Variants in GREB1L observed in about 807,000 individuals in gnomAD.
GREB1L encodes GREB1-like protein.
GREB1L carries 17 observed loss-of-function variants against 200.8 expected under a neutral mutation model. The observed-to-expected ratio is 0.08, with a 90% CI of 0.06 to 0.13. The LOEUF is 0.13. GREB1L is among the 10% of genes least tolerant of loss of function. The probability of loss-of-function intolerance (pLI) is 1.00; values close to 1 mark genes in which losing one functional copy is unlikely to be tolerated. For missense variants in GREB1L, 1,657 were observed against 2,367.7 expected (o/e 0.70, Z 6.23); for synonymous variants, 789 against 893.0 (o/e 0.88, Z 2.08).
chr18:21,466,953 C>A (rs1296701481), intron 15 of GREB1L, among the ~76,000 whole-genome samples: 3 of 152,052 alleles, frequency 2.0e-5, no homozygotes, highest in Non-Finnish European at 2.9e-5. Context: ...AATAAACCTC[C>A]CATTTACAAT....
At chr18:21,366,906 A>C (rs564418311) in intron 2 of GREB1L, among the ~76,000 whole-genome samples, 1 of 152,308 alleles carries the variant, frequency 6.6e-6, no homozygotes, top group Admixed American at 6.5e-5. Flanking sequence ...CAGATACTGA[A>C]ACCCAGGATG....
At position 21,393,037 on chromosome 18, in the gene GREB1L, G is replaced by T. The variant is rs907354951; in HGVS notation, c.356-2348G>T. 1.1e-4 allele frequency among the ~76,000 whole-genome samples: 17 copies of T among 152,292 alleles called. No individual in the cohort carries two copies. In the South Asian group the frequency reaches 1.5e-3, roughly 13 times the overall value. ...ATCTGCCTCTTTGGCCTCCCAAAGTGCTGGGATTACAGGCGTGAGCCACTG... is the reference window on the plus strand; with the variant it reads ...ATCTGCCTCTTTGGCCTCCCAAAGTTCTGGGATTACAGGCGTGAGCCACTG... On this transcript the variant is annotated intron_variant, in intron 4 of 32. Transcript: ENST00000424526.
Position 21,490,012 on chromosome 18 carries a change from G to A in GREB1L, c.2691G>A (p.Arg897=), listed in dbSNP as rs1332111178. Residue 897 remains arginine (R), a splice_region_variant and synonymous_variant, in exon 19 of 33, where the codon AGG becomes AGA. Coordinates refer to ENST00000424526, the MANE Select transcript of GREB1L (RefSeq NM_001142966.3). ...GCTAGTGCCTTGTTTTCTGTTGAAG[G>A]TACCCCAGGCTGCACAGCATGGTCG... is the stretch of plus-strand genomic sequence containing the variant. The part of the protein sequence containing the change: ...FEKMVNTLLE[R]YPRLHSMVVR... The A allele has an allele frequency of 6.5e-7, 1 of 1,549,594 alleles. No homozygotes were observed. The highest frequency in any genetic ancestry group is 2.0e-5 in the Admixed American group (1 of 50,910).
intron 19 of GREB1L, among the ~76,000 whole-genome samples, chr18:21,490,618 T>G (rs1405061587): frequency 6.6e-6 from 1 of 152,146 alleles, no homozygotes; most frequent in Non-Finnish European, 1.5e-5. Context: ...GATGACCCAA[T>G]TTGACCCCAT....
chr18:21,493,638 G>A (rs1455124277), intron 19 of GREB1L, among the ~76,000 whole-genome samples: 3 of 152,106 alleles, frequency 2.0e-5, no homozygotes, highest in East Asian at 3.9e-4. Context: ...AGACTGAGGC[G>A]GGCAGTCGCT....
chr18:21,262,514 A>G (rs915818665), intron 1 of GREB1L, among the ~76,000 whole-genome samples: 2 of 152,158 alleles, frequency 1.3e-5, no homozygotes, highest in Non-Finnish European at 2.9e-5. Flanking sequence ...CTGCTTTCCC[A>G]AACAGTTGTT....
Position 21,525,622 on chromosome 18 carries a change from G to GAAAC in GREB1L, c.*2803_*2806dup, listed in dbSNP as rs1044554243. On this transcript the variant is annotated 3_prime_UTR_variant, in exon 33 of 33. Coordinates refer to ENST00000424526, the MANE Select transcript of GREB1L (RefSeq NM_001142966.3). ...CTACACTCACTTTGATGTCCTTCTG[G>GAAAC]AAACAGAACAACTTTGGGTTGCTAA... Among the ~76,000 whole-genome samples, 5 of 152,180 alleles carry GAAAC rather than the reference G, an allele frequency of 3.3e-5. No individual in the cohort carries two copies. Among genetic ancestry groups the GAAAC allele is most frequent in the African/African-American group, 1.2e-4 (5 of 41,524 alleles).
intron 15 of GREB1L, among the ~76,000 whole-genome samples, chr18:21,457,658 A>G (rs1198191182): frequency 6.6e-6 from 1 of 152,184 alleles, no homozygotes; most frequent in Non-Finnish European, 1.5e-5. Flanking sequence ...TAATGAATGT[A>G]TAGTCACATC....
intron 1 of GREB1L, among the ~76,000 whole-genome samples, chr18:21,341,320 T>C (rs1350449447): frequency 6.6e-6 from 1 of 152,144 alleles, no homozygotes; most frequent in Non-Finnish European, 1.5e-5. Flanking sequence ...TTGGCAAGGG[T>C]TCCTCCAGTT....
At chr18:21,506,463 G>A (rs2037026966) in intron 25 of GREB1L, among the ~76,000 whole-genome samples, 1 of 152,258 alleles carries the variant, frequency 6.6e-6, no homozygotes, top group African/African-American at 2.4e-5. Flanking sequence ...GATTATGGGA[G>A]GGAGAGGAGG....
intron 1 of GREB1L, among the ~76,000 whole-genome samples, chr18:21,321,548 A>G (rs1467588297): frequency 2.0e-5 from 3 of 151,876 alleles, no homozygotes; most frequent in South Asian, 4.2e-4. Context: ...TTAGCTGGGC[A>G]TGGTGGCGGG....
intron 1 of GREB1L, among the ~76,000 whole-genome samples, chr18:21,296,117 C>T (rs907295248): frequency 2.0e-5 from 3 of 152,174 alleles, no homozygotes; most frequent in African/African-American, 4.8e-5. Context: ...CAAAAAGACA[C>T]ATGCCCTCAC....
chr18:21,438,060 C>T (rs1047223192), intron 7 of GREB1L, among the ~76,000 whole-genome samples: 2 of 152,032 alleles, frequency 1.3e-5, no homozygotes, highest in African/African-American at 4.8e-5. Context: ...GAGGGTAGAT[C>T]ACTTGAACCC....
At chr18:21,379,181 A>G (rs1307434200) in intron 2 of GREB1L, among the ~76,000 whole-genome samples, 2 of 152,180 alleles carry the variant, frequency 1.3e-5, no homozygotes, top group Admixed American at 1.3e-4. Context: ...AACTAAAAAG[A>G]CCTGTTGGAG....
intron 7 of GREB1L, among the ~76,000 whole-genome samples, chr18:21,417,775 A>G (rs1157218345): frequency 1.3e-5 from 2 of 152,054 alleles, no homozygotes; most frequent in African/African-American, 4.8e-5. Context: ...GGATCATGAG[A>G]TCAGGAGATC....
chr18:21,360,752 G>A (rs530277660), intron 1 of GREB1L, among the ~76,000 whole-genome samples: 1 of 152,278 alleles, frequency 6.6e-6, no homozygotes, highest in African/African-American at 2.4e-5. Context: ...TAGAGAAAAG[G>A]TTATACATGC....
chr18:21,401,539 G>A (rs966213009), intron 6 of GREB1L, among the ~76,000 whole-genome samples: 2 of 152,092 alleles, frequency 1.3e-5, no homozygotes, highest in Non-Finnish European at 2.9e-5. Flanking sequence ...GAATGTCTCT[G>A]TATTCGTCTC....
Position 21,460,160 on chromosome 18 carries a change from C to T in GREB1L, c.2182+5597C>T, listed in dbSNP as rs374155790. Reference sequence around the variant, plus strand: ...AAATTCTTGTTTTGTTTTGTTTTGTCTTGTTTTTGTTTTCGTTTTTGTTTT... The same window carrying T: ...AAATTCTTGTTTTGTTTTGTTTTGTTTTGTTTTTGTTTTCGTTTTTGTTTT... On this transcript the variant is annotated intron_variant, in intron 15 of 32. Coordinates refer to ENST00000424526, the MANE Select transcript of GREB1L (RefSeq NM_001142966.3). 4.5e-4 allele frequency among the ~76,000 whole-genome samples: 69 copies of T among 151,828 alleles called. No homozygotes were observed. In the South Asian group the frequency reaches 8.5e-3, roughly 19 times the overall value.
At chr18:21,258,482 C>T (rs1598610485) in intron 1 of GREB1L, among the ~76,000 whole-genome samples, 1 of 152,192 alleles carries the variant, frequency 6.6e-6, no homozygotes, top group Non-Finnish European at 1.5e-5. Context: ...CTATGTATTA[C>T]ATCCTTAACC....
Sources: gnomAD v4.1 joint callset for allele counts (sites outside exome capture counted in the v4.1 genomes callset) on GRCh38, gnomAD v4.1.1 for gene constraint, MANE v1.5 for transcripts, NCBI Gene and HGNC (gene_info 2026-07-23, HGNC 2026-07-21) for gene names.